The following NEIL1 variants were observed in gnomAD, a reference collection of about 807,000 sequenced individuals.
The protein encoded by NEIL1 is endonuclease 8-like 1.
NEIL1 carries 31 observed loss-of-function variants against 44.2 expected under a neutral mutation model. The ratio of observed to expected loss-of-function variants is 0.70; its 90% CI spans 0.53 to 0.95. NEIL1 has a LOEUF of 0.95. Ranked by LOEUF, NEIL1 falls within the 40% of genes least tolerant of loss-of-function variation. The probability of loss-of-function intolerance (pLI) is 0.00; values close to 1 mark genes in which losing one functional copy is unlikely to be tolerated. For synonymous variants in NEIL1, 254 were observed against 209.7 expected, an observed-to-expected ratio of 1.21 and a Z score of -1.83; for missense variants, 549 against 515.5, an observed-to-expected ratio of 1.07 and a Z score of -0.63.
At position 75,354,670 on chromosome 15, in the gene NEIL1, C is replaced by G; in HGVS notation, c.954C>G (p.Ser318Arg). Residue 318 changes from serine (S) to arginine (R), a missense_variant, in exon 9 of 10, where the codon AGC (serine) becomes AGG (arginine). Ser to Arg is a moderately radical substitution (Grantham distance 110). Transcript: ENST00000355059. ...CCATCCAGGACGCTTTGCCTCCAAG[C>G]AAGGCCCCTTCCAGGACACGAAGGG... ...EDRVEDALPP[S>R]KAPSRTRRAK... 6.2e-7 allele frequency: 1 copy of G among 1,614,172 alleles called. No homozygotes were observed. The highest frequency in any genetic ancestry group is 2.2e-5 in the East Asian group (1 of 44,876).
intron 1 of NEIL1, chr15:75,348,304 GC>G: frequency 5.1e-6 from 5 of 985,430 alleles, no homozygotes; most frequent in Non-Finnish European, 6.0e-6. Flanking sequence ...GCTCCCCCGC[GC>G]CAGGCCGAGC....
Position 75,356,625 on chromosome 15 carries a change from A to G in NEIL1, c.*1591A>G, listed in dbSNP as rs375440388. 8.6e-5 allele frequency: 135 copies of G among 1,565,220 alleles called. No homozygotes were observed. Among genetic ancestry groups the G allele is most frequent in the Non-Finnish European group, 1.1e-4 (122 of 1,155,378 alleles). The stretch of plus-strand genomic sequence containing the variant: ...ACTCACCCTTGTGCGGCATCAGTGC[A>G]TAGGTGAACTCGTGGCGCCCCGTGT... On this transcript the variant is annotated 3_prime_UTR_variant, in exon 10 of 10. Coordinates refer to ENST00000355059, the MANE Select transcript of NEIL1 (RefSeq NM_024608.4). The surrounding 1 kb of genome is among the most constrained non-coding windows in gnomAD (Gnocchi z 5.8).
In NEIL1 at chr15:75,356,421, T is replaced by C; in HGVS notation, c.*1387T>C. On this transcript the variant is annotated 3_prime_UTR_variant, in exon 10 of 10. Coordinates refer to ENST00000355059, the MANE Select transcript of NEIL1 (RefSeq NM_024608.4). The surrounding 1 kb of genome is among the most constrained non-coding windows in gnomAD (Gnocchi z 5.8). ...GGGGGAAGTTTAGGCTGTAGGCAGC[T>C]TGGATAACGCCAGCATCCTGGAAAG... is the stretch of plus-strand genomic sequence containing the variant. 1.2e-6 allele frequency: 2 copies of C among 1,607,422 alleles called. No individual in the cohort carries two copies. Among genetic ancestry groups the C allele is most frequent in the African/African-American group, 1.3e-5 (1 of 74,960 alleles).
In NEIL1 at chr15:75,356,372, G is replaced by C. The variant is rs907879539; in HGVS notation, c.*1338G>C. 1.2e-6 allele frequency: 2 copies of C among 1,611,604 alleles called. No individual in the cohort carries two copies. The highest frequency in any genetic ancestry group is 2.7e-5 in the African/African-American group (2 of 74,838). On this transcript the variant is annotated 3_prime_UTR_variant, in exon 10 of 10. Transcript: ENST00000355059. The surrounding 1 kb of genome is among the most constrained non-coding windows in gnomAD (Gnocchi z 5.8). Reference sequence around the variant, plus strand: ...GCACTCCAGGAGGTGGCGGGCGCTGGGCTGGGGGCTGGCAGAGCCAACAGG... The same window carrying C: ...GCACTCCAGGAGGTGGCGGGCGCTGCGCTGGGGGCTGGCAGAGCCAACAGG...
intron 5 of NEIL1, chr15:75,353,483 C>T (rs906731331): frequency 1.9e-6 from 1 of 533,282 alleles, no homozygotes; most frequent in African/African-American, 1.9e-5. Context: ...ATCTAAGCTT[C>T]CCAAAGTGTC....
chr15:75,347,609 TG>T, intron 1 of NEIL1, 136 bp downstream of exon 1: 1 of 175,332 alleles, frequency 5.7e-6, no homozygotes, highest in Non-Finnish European at 1.1e-5. Flanking sequence ...CCGCCCGTTC[TG>T]GCGTTAACCC....
Position 75,355,768 on chromosome 15 carries a change from C to G in NEIL1, c.*734C>G. 3.1e-6 allele frequency: 2 copies of G among 635,772 alleles called. No homozygotes were observed. The highest frequency in any genetic ancestry group is 4.9e-6 in the Non-Finnish European group (2 of 410,160). 39.4% of individuals were successfully genotyped at this position (635,772 alleles called of 1,614,324 possible). A position where few individuals can be genotyped will look rare whatever the true frequency, so the allele number is the denominator to read the frequency against. On this transcript the variant is annotated 3_prime_UTR_variant, in exon 10 of 10. Coordinates refer to ENST00000355059, the MANE Select transcript of NEIL1 (RefSeq NM_024608.4). ...CCCCCACCCCAAGCGTGAGGATGGGCCCTAAGGGGACTGAGCAGCAGGGTT... is the reference window on the plus strand; with the variant it reads ...CCCCCACCCCAAGCGTGAGGATGGGGCCTAAGGGGACTGAGCAGCAGGGTT...
chr15:75,355,749 C>T lies in NEIL1; in HGVS notation c.*715C>T. 1.3e-6 allele frequency: 1 copy of T among 765,518 alleles called. No homozygotes were observed. 47.4% of individuals were successfully genotyped at this position (765,518 alleles called of 1,614,324 possible). ...TCCCACCCCAGACTTCCCACCCCCACCCCAAGCGTGAGGATGGGCCCTAAG... is the reference window on the plus strand; with the variant it reads ...TCCCACCCCAGACTTCCCACCCCCATCCCAAGCGTGAGGATGGGCCCTAAG... On this transcript the variant is annotated 3_prime_UTR_variant, in exon 10 of 10. Coordinates refer to ENST00000355059, the MANE Select transcript of NEIL1 (RefSeq NM_024608.4).
chr15:75,354,954 C>A lies in NEIL1; in HGVS notation c.1103-10C>A. 2 of 1,613,914 alleles carry A rather than the reference C, an allele frequency of 1.2e-6. No individual in the cohort carries two copies. Among genetic ancestry groups the A allele is most frequent in the Non-Finnish European group, 8.5e-7 (1 of 1,179,862 alleles). On this transcript the variant is annotated splice_polypyrimidine_tract_variant and intron_variant, in intron 9 of 9. Coordinates refer to ENST00000355059, the MANE Select transcript of NEIL1 (RefSeq NM_024608.4). ...GTCTTAGCTGACCATCTTGCCTGTT[C>A]TTCCCCCAGGCCACTGCAGACCCCG...
rs533537864 is a variant in NEIL1 at position 75,354,858 on chromosome 15, G to T, written c.1102+40G>T. The stretch of plus-strand genomic sequence containing the variant: ...TCACTCCCAGAAACTGGCTCTACAG[G>T]AGAGGATGGGATGGTGGCCTAGGAG... On this transcript the variant is annotated intron_variant, in intron 9 of 9. Transcript: ENST00000355059. 5.9e-5 allele frequency: 96 copies of T among 1,613,544 alleles called. 2 individuals carry two copies. In the South Asian group the frequency reaches 1.0e-3, roughly 17 times the overall value.
chr15:75,353,634 T>TC, intron 5 of NEIL1, 105 bp from the exon 6 acceptor site: 1 of 1,200,474 alleles, frequency 8.3e-7, no homozygotes, highest in Non-Finnish European at 1.2e-6. Context: ...CCTGACTCAG[T>TC]CCATCAGCTT....
In NEIL1 at chr15:75,356,941, C is replaced by A. The variant is rs763158437; in HGVS notation, c.*1907C>A. 3 of 1,554,608 alleles carry A rather than the reference C, an allele frequency of 1.9e-6. No homozygotes were observed. The African/African-American group carries it at 4.1e-5, about 21-fold the overall frequency. On this transcript the variant is annotated 3_prime_UTR_variant, in exon 10 of 10. Transcript: ENST00000355059. The surrounding 1 kb of genome is among the most constrained non-coding windows in gnomAD (Gnocchi z 5.8). ...CCAAGACCCACTTGGTGGCCCTGTG[C>A]CCCTCTTTGTGCTCCCAGACTCCAG...
In NEIL1 at chr15:75,352,212, G is replaced by A. The variant is rs780757572; in HGVS notation, c.536G>A (p.Arg179Gln). Reference sequence around the variant, plus strand: ...TTCAATGGCATTGGCAACTATCTGCGGGCAGAGATCCTGTACCGGTCAGCA... The same window carrying A: ...TTCAATGGCATTGGCAACTATCTGCAGGCAGAGATCCTGTACCGGTCAGCA... ...RFFNGIGNYL[R>Q]AEILYRLKIP... Residue 179 changes from arginine to glutamine, a missense_variant, in exon 3 of 10, where the codon CGG (arginine) becomes CAG (glutamine). Physicochemically the swap from Arg to Gln is conservative, Grantham distance 43. Coordinates refer to ENST00000355059, the MANE Select transcript of NEIL1 (RefSeq NM_024608.4). 5.6e-6 allele frequency: 9 copies of A among 1,614,246 alleles called. No individual in the cohort carries two copies. The East Asian group carries it at 8.9e-5, about 16-fold the overall frequency.
At chr15:75,348,051 C>G in intron 1 of NEIL1, 5 of 1,086,800 alleles carry the variant, frequency 4.6e-6, no homozygotes, top group Non-Finnish European at 5.7e-6. Flanking sequence ...CCCCCCACCC[C>G]AGGGACCAGG....
At position 75,355,141 on chromosome 15, in the gene NEIL1, A is replaced by G; in HGVS notation, c.*107A>G. 1 of 865,268 alleles carries G rather than the reference A, an allele frequency of 1.2e-6. No individual in the cohort carries two copies. The allele number at this position is 865,268 out of a possible 1,614,324, so 53.6% of individuals were successfully genotyped here. A position where few individuals can be genotyped will look rare whatever the true frequency, so the allele number is the denominator to read the frequency against. ...ATATCTGAAGGTGCAAACAGGCCCT[A>G]CGGCTGTTCCCTGCACAACTCTCAT... is the stretch of plus-strand genomic sequence containing the variant. On this transcript the variant is annotated 3_prime_UTR_variant, in exon 10 of 10. Coordinates refer to ENST00000355059, the MANE Select transcript of NEIL1 (RefSeq NM_024608.4).
chr15:75,356,356 G>T lies in NEIL1; in HGVS notation c.*1322G>T. On this transcript the variant is annotated 3_prime_UTR_variant, in exon 10 of 10. Transcript: ENST00000355059. This position sits in a 1 kb window ranked among gnomAD's most constrained non-coding sequence, Gnocchi z 5.8. ...TGAAGACACGGAAAACGCACTCCAG[G>T]AGGTGGCGGGCGCTGGGCTGGGGGC... 6.2e-7 allele frequency: 1 copy of T among 1,612,366 alleles called. No individual in the cohort carries two copies. Among genetic ancestry groups the T allele is most frequent in the Non-Finnish European group, 8.5e-7 (1 of 1,179,462 alleles).
intron 9 of NEIL1, 57 bp from the exon 10 acceptor site, chr15:75,354,907 G>A: frequency 5.0e-6 from 8 of 1,611,906 alleles, no homozygotes; most frequent in Non-Finnish European, 5.1e-6. Context: ...GTGGGAGAAA[G>A]GCTGCCATGG....
intron 2 of NEIL1, chr15:75,351,303 T>A (rs1321073717): frequency 2.4e-6 from 1 of 419,332 alleles, no homozygotes; most frequent in South Asian, 1.6e-5. Flanking sequence ...TGAGACAGGG[T>A]CTCGCTCTGT....
Position 75,352,394 on chromosome 15 carries a change from CCA to C in NEIL1, c.618+8_618+9del, listed in dbSNP as rs2071983810. The C allele has an allele frequency of 1.9e-6, 3 of 1,613,328 alleles. No individual in the cohort carries two copies. The East Asian group carries it at 6.7e-5, about 36-fold the overall frequency. Reference sequence around the variant, plus strand: ...CCTGCAGCAGCACAGGCCGGTAAGCCCAGAGAGGGATGGAGCACACGTGCTGG... The same window carrying C: ...CCTGCAGCAGCACAGGCCGGTAAGCCGAGAGGGATGGAGCACACGTGCTGG... On this transcript the variant is annotated splice_region_variant and intron_variant, in intron 4 of 9. Coordinates refer to ENST00000355059, the MANE Select transcript of NEIL1 (RefSeq NM_024608.4).
Sources: gnomAD v4.1 joint callset for allele counts on GRCh38, gnomAD v4.1.1 for gene constraint, Gnocchi (gnomAD v3.1) non-coding constraint, MANE v1.5 for transcripts, NCBI Gene and HGNC (gene_info 2026-07-23, HGNC 2026-07-21) for gene names.